DMBT1: variants seen among roughly 807,000 people sequenced by gnomAD.
The protein encoded by DMBT1 is scavenger receptor cysteine-rich domain-containing protein DMBT1.
Under a neutral mutation model 252.9 loss-of-function variants are expected in DMBT1, and 198 were observed. That is an observed-to-expected ratio of 0.78 (90% CI 0.70 to 0.88). The LOEUF (loss-of-function observed/expected upper bound fraction) is 0.88, where lower values mean the gene tolerates loss of function less well. Ranked by LOEUF, DMBT1 falls within the 40% of genes least tolerant of loss-of-function variation. DMBT1 has a pLI of 0.00. For synonymous variants in DMBT1, 990 were observed against 942.7 expected, an observed-to-expected ratio of 1.05 and a Z score of -0.92; for missense variants, 2,432 against 2,404.7, an observed-to-expected ratio of 1.01 and a Z score of -0.24.
chr10:122,643,154 C>G lies in DMBT1; in HGVS notation c.7385C>G (p.Ser2462Cys). The G allele has an allele frequency of 6.2e-7, 1 of 1,613,952 alleles. No individual in the cohort carries two copies. Among genetic ancestry groups the G allele is most frequent in the South Asian group, 1.1e-5 (1 of 91,076 alleles). ...AGGGATGACACCTACGGACCCTACT[C>G]CTCGCCATCTCTTCGCATTGCCCGC... ...CVRDDTYGPY[S>C]SPSLRIARFR... Residue 2462 changes from serine to cysteine, a missense_variant, in exon 56 of 56, where the codon TCC (serine) becomes TGC (cysteine). This residue lies in a region of DMBT1 where 1,162 missense variants were observed against 1,169.0 expected (regional missense o/e 0.99). Coordinates refer to ENST00000338354, the MANE Select transcript of DMBT1 (RefSeq NM_001377530.1).
At position 122,598,874 on chromosome 10, in the gene DMBT1, T is replaced by C. The variant is rs764773980; in HGVS notation, c.3057T>C (p.Asp1019=). The change falls in exon 26 of 56, where the codon GAT becomes GAC. Residue 1019 remains aspartate, a synonymous_variant. Coordinates refer to ENST00000338354, the MANE Select transcript of DMBT1 (RefSeq NM_001377530.1). ...AAGGCTCCTGGGGCACCGTGTGCGATGACAGCTGGGACACCAATGATGCCA... is the reference window on the plus strand; with the variant it reads ...AAGGCTCCTGGGGCACCGTGTGCGACGACAGCTGGGACACCAATGATGCCA... ...LYQGSWGTVC[D]DSWDTNDANV... 101 of 1,613,734 alleles carry C rather than the reference T, an allele frequency of 6.3e-5. No individual in the cohort carries two copies. Among genetic ancestry groups the C allele is most frequent in the Non-Finnish European group, 8.1e-5 (95 of 1,179,790 alleles).
At chr10:122,639,928 G>T in intron 54 of DMBT1, 112 bp from the exon 55 acceptor site, 1 of 1,290,592 alleles carries the variant, frequency 7.7e-7, no homozygotes, top group Non-Finnish European at 1.1e-6. Context: ...GGTTCTGGGA[G>T]GGGTGGAAGT....
chr10:122,561,044 A>C (rs1372920843), intron 1 of DMBT1, among the ~76,000 whole-genome samples: 1 of 152,210 alleles, frequency 6.6e-6, no homozygotes, highest in African/African-American at 2.4e-5. Context: ...AGTTAGAAAA[A>C]GCCAGTCATT....
intron 46 of DMBT1, among the ~76,000 whole-genome samples, chr10:122,628,315 A>G (rs1292915355): frequency 6.6e-6 from 1 of 152,234 alleles, no homozygotes; most frequent in East Asian, 1.9e-4. Flanking sequence ...ATGTCCATGC[A>G]GTGGAGTATT....
At chr10:122,622,014 C>G (rs1188700237) in intron 44 of DMBT1, among the ~76,000 whole-genome samples, 1 of 152,178 alleles carries the variant, frequency 6.6e-6, no homozygotes, top group Non-Finnish European at 1.5e-5. Flanking sequence ...GATGGAAGAT[C>G]ACACAGGGGA....
chr10:122,599,631 C>G (rs2097920581), intron 26 of DMBT1, among the ~76,000 whole-genome samples: 1 of 152,230 alleles, frequency 6.6e-6, no homozygotes, highest in Admixed American at 6.5e-5. Context: ...TCTCAGATCA[C>G]TGCTGAGCAT....
chr10:122,619,269 T>G (rs1312375646), intron 41 of DMBT1, 39 bp from the exon 42 acceptor site: 1 of 1,613,768 alleles, frequency 6.2e-7, no homozygotes, highest in Non-Finnish European at 8.5e-7. Context: ...ATTTTCTGTA[T>G]AGTGCATCTG....
Position 122,625,274 on chromosome 10 carries a change from C to A in DMBT1, c.5609-3C>A, listed in dbSNP as rs772806770. On this transcript the variant is annotated splice_region_variant and splice_polypyrimidine_tract_variant and intron_variant, in intron 44 of 55. Transcript: ENST00000338354. ...GACTCATGTTTTCTTCTTTTCCTTG[C>A]AGCCACCCAAATAAATTCTACTACG... 1.2e-6 allele frequency: 2 copies of A among 1,610,870 alleles called. No individual in the cohort carries two copies. Among genetic ancestry groups the A allele is most frequent in the South Asian group, 2.2e-5 (2 of 89,916 alleles).
chr10:122,570,866 G>A (rs767848317), intron 3 of DMBT1, 24 bp from the exon 4 acceptor site: 3 of 1,611,578 alleles, frequency 1.9e-6, no homozygotes, highest in East Asian at 2.2e-5. Context: ...CCATCAATGA[G>A]CTCTTCCTTT....
rs769640380 is a variant in DMBT1 at position 122,579,559 on chromosome 10, T to C, written c.680-19T>C. 1.9e-6 allele frequency: 3 copies of C among 1,612,134 alleles called. No individual in the cohort carries two copies. The highest frequency in any genetic ancestry group is 1.3e-5 in the African/African-American group (1 of 74,878). On this transcript the variant is annotated intron_variant, in intron 9 of 55. Transcript: ENST00000338354. ...CCTCATGATAGGGATGGATGAAGGGTTCTTGTGTTCCCCTGTAGGATCTGA... is the reference window on the plus strand; with the variant it reads ...CCTCATGATAGGGATGGATGAAGGGCTCTTGTGTTCCCCTGTAGGATCTGA...
chr10:122,578,665 AC>A (rs1169918773), intron 8 of DMBT1, 52 bp from the exon 9 acceptor site: 2 of 1,515,392 alleles, frequency 1.3e-6, no homozygotes, highest in Non-Finnish European at 1.8e-6. Context: ...CTTGTTTTTT[AC>A]CTTTTTCCCT....
At position 122,592,489 on chromosome 10, in the gene DMBT1, T is replaced by C. The variant is rs2097857296; in HGVS notation, c.2394T>C (p.Asp798=). 6.3e-7 allele frequency: 1 copy of C among 1,587,950 alleles called. No individual in the cohort carries two copies. Among genetic ancestry groups the C allele is most frequent in the Middle Eastern group, 1.7e-4 (1 of 6,008 alleles). ...AGGGCTCAGGACCCATTGTTCTGGATGATGTGCGCTGCTCAGGACACGAGT... is the reference window on the plus strand; with the variant it reads ...AGGGCTCAGGACCCATTGTTCTGGACGATGTGCGCTGCTCAGGACACGAGT... ...FGQGSGPIVL[D]DVRCSGHESY... Residue 798 remains aspartate (D), a synonymous_variant, in exon 20 of 56, where the codon GAT becomes GAC. Coordinates refer to ENST00000338354, the MANE Select transcript of DMBT1 (RefSeq NM_001377530.1).
chr10:122,629,516 A>G (rs1359877437), intron 46 of DMBT1, among the ~76,000 whole-genome samples: 2 of 152,186 alleles, frequency 1.3e-5, no homozygotes, highest in Non-Finnish European at 2.9e-5. Context: ...CCCTGTCTGT[A>G]GCTGATTGAA....
In DMBT1 at chr10:122,643,250, G is replaced by A; in HGVS notation, c.7481G>A (p.Cys2494Tyr). The change falls in exon 56 of 56, where the codon TGC (cysteine) becomes TAC (tyrosine). Residue 2494 changes from cysteine to tyrosine, a missense_variant. This residue lies in a region of DMBT1 where 1,162 missense variants were observed against 1,169.0 expected (regional missense o/e 0.99). Coordinates refer to ENST00000338354, the MANE Select transcript of DMBT1 (RefSeq NM_001377530.1). The stretch of plus-strand genomic sequence containing the variant: ...TACCTGCGTTGTAAAATGGTGGTGT[G>A]CAGAGCGTATGACCCCTCTTCCCGC... ...SVYLRCKMVV[C>Y]RAYDPSSRCY... 6.2e-7 allele frequency: 1 copy of A among 1,613,970 alleles called. No individual in the cohort carries two copies. Among genetic ancestry groups the A allele is most frequent in the Non-Finnish European group, 8.5e-7 (1 of 1,179,888 alleles).
At chr10:122,637,820 C>G (rs1342159752) in intron 54 of DMBT1, among the ~76,000 whole-genome samples, 1 of 152,230 alleles carries the variant, frequency 6.6e-6, no homozygotes, top group Non-Finnish European at 1.5e-5. Flanking sequence ...GCTTCAGCTT[C>G]ATTAGCTCCA....
rs759793489 is a variant in DMBT1, at chr10:122,636,170, A to G, written c.6728A>G (p.Tyr2243Cys). The change falls in exon 53 of 56, where the codon TAC becomes TGC. Residue 2243 changes from tyrosine (Y) to cysteine (C), a missense_variant. Transcript: ENST00000338354. ...SITRRGFRAE[Y>C]YSSPSNDSTN... ...ACAAGGAGAGGGTTCCGGGCTGAGT[A>G]CTACTCCAGTCCCTCCAATGACAGC... The G allele has an allele frequency of 8.2e-5, 133 of 1,613,846 alleles. No individual in the cohort carries two copies. Among genetic ancestry groups the G allele is most frequent in the Non-Finnish European group, 1.1e-4 (132 of 1,179,820 alleles).
At chr10:122,562,693 T>C (rs775900878) in intron 1 of DMBT1, among the ~76,000 whole-genome samples, 1 of 152,224 alleles carries the variant, frequency 6.6e-6, no homozygotes, top group Non-Finnish European at 1.5e-5. Context: ...TGAGGACATT[T>C]GTAGTTTGCC....
intron 46 of DMBT1, among the ~76,000 whole-genome samples, chr10:122,629,504 G>A (rs1019728756): frequency 7.9e-5 from 12 of 152,218 alleles, no homozygotes; most frequent in African/African-American, 1.9e-4. Flanking sequence ...ACTATCCCAC[G>A]TCCCTGTCTG....
At chr10:122,634,448 CT>C (rs1566008405) in intron 52 of DMBT1, among the ~76,000 whole-genome samples, 10 of 77,300 alleles carry the variant, frequency 1.3e-4, no homozygotes, top group African/African-American at 2.4e-4. Context: ...CTCTCTCTCT[CT>C]CTCTCTCTCT....
Sources: allele counts gnomAD v4.1 joint callset (sites outside exome capture counted in the v4.1 genomes callset), GRCh38; gene constraint gnomAD v4.1.1; regional missense constraint gnomAD v4.1.1; transcripts MANE v1.5; gene names NCBI Gene and HGNC (gene_info 2026-07-23, HGNC 2026-07-21).